DLGAP4: variants seen among roughly 807,000 people sequenced by gnomAD.
The protein encoded by DLGAP4 is disks large-associated protein 4.
A neutral mutation model predicts 86.9 loss-of-function variants in DLGAP4; 18 were observed. The ratio of observed to expected loss-of-function variants is 0.21; its 90% confidence interval spans 0.14 to 0.31. The LOEUF is 0.31. Among genes scored for constraint, DLGAP4 ranks in the 10% least tolerant of loss-of-function variants. DLGAP4 has a pLI of 1.00. For missense variants in DLGAP4, 1,085 were observed against 1,362.6 expected (o/e 0.80, Z 3.21); for synonymous variants, 548 against 574.3 (o/e 0.95, Z 0.65).
At chr20:36,474,685 A>G (rs1364121574) in intron 7 of DLGAP4, among the ~76,000 whole-genome samples, 1 of 151,776 alleles carries the variant, frequency 6.6e-6, no homozygotes, top group Admixed American at 6.6e-5. Flanking sequence ...TAGGGCTGCC[A>G]CCGTTGCTGC....
rs747915494 is a variant in DLGAP4 at position 36,526,894 on chromosome 20, G to A, written c.2842G>A (p.Ala948Thr). Reference protein sequence around the residue: ...PAVSRDKASDASDKQRQEARK... With the variant: ...PAVSRDKASDTSDKQRQEARK... ...AGTGAGCCGCGACAAGGCCTCAGAC[G>A]CCAGCGACAAGCAGCGCCAGGAGGC... Residue 948 changes from alanine (A) to threonine (T), a missense_variant, in exon 13 of 13, where the codon GCC (alanine) becomes ACC (threonine). Physicochemically the swap from Ala to Thr is moderately conservative, Grantham distance 58 (BLOSUM62 0). Coordinates refer to ENST00000339266, the MANE Select transcript of DLGAP4 (RefSeq NM_001365621.2). 10 of 1,612,952 alleles carry A rather than the reference G, an allele frequency of 6.2e-6. No homozygotes were observed. The highest frequency in any genetic ancestry group is 1.7e-4 in the Middle Eastern group (1 of 6,002).
Position 36,393,236 on chromosome 20 carries a change from G to A in DLGAP4, c.-73+25961G>A, listed in dbSNP as rs1192907737. 6.6e-6 allele frequency among the ~76,000 whole-genome samples: 1 copy of A among 152,048 alleles called. No individual in the cohort carries two copies. Among genetic ancestry groups the A allele is most frequent in the Non-Finnish European group, 1.5e-5 (1 of 68,000 alleles). ...AGGGGATGAGGTGCATTGGGGAGGT[G>A]ACTGAATGGGAACACAGACCTAACC... On this transcript the variant is annotated intron_variant, in intron 2 of 12. Transcript: ENST00000339266. This position sits in a 1 kb window ranked among gnomAD's most constrained non-coding sequence, Gnocchi z 4.4.
At chr20:36,356,398 G>A (rs1047594454) in intron 1 of DLGAP4, among the ~76,000 whole-genome samples, 15 of 152,064 alleles carry the variant, frequency 9.9e-5, no homozygotes, top group Non-Finnish European at 1.0e-4. Flanking sequence ...TGCAACCTCC[G>A]CCTCCTGGGT....
intron 3 of DLGAP4, among the ~76,000 whole-genome samples, chr20:36,433,946 A>ATT (rs796868709): frequency 5.2e-4 from 71 of 136,816 alleles, no homozygotes; most frequent in African/African-American, 1.9e-3. Flanking sequence ...GCACCCAGCA[A>ATT]TTTTTTTTTT....
chr20:36,360,753 G>A (rs568130681), intron 1 of DLGAP4, among the ~76,000 whole-genome samples: 16 of 151,998 alleles, frequency 1.1e-4, no homozygotes, highest in African/African-American at 3.9e-4. Context: ...AGCATGGGGG[G>A]CTGGACATGG....
At chr20:36,424,209 C>T (rs1248197526) in intron 2 of DLGAP4, among the ~76,000 whole-genome samples, 1 of 152,196 alleles carries the variant, frequency 6.6e-6, no homozygotes, top group Non-Finnish European at 1.5e-5. Flanking sequence ...AGGTGAACCT[C>T]AATACAGCAC....
intron 2 of DLGAP4, among the ~76,000 whole-genome samples, chr20:36,402,665 T>C (rs1307159696): frequency 6.6e-6 from 1 of 152,184 alleles, no homozygotes; most frequent in Non-Finnish European, 1.5e-5. Flanking sequence ...GGAGGATTTC[T>C]TGAGCCCAGG....
At chr20:36,455,665 C>T (rs1034300576) in intron 7 of DLGAP4, among the ~76,000 whole-genome samples, 3 of 152,106 alleles carry the variant, frequency 2.0e-5, no homozygotes, top group Non-Finnish European at 4.4e-5. Flanking sequence ...TTTGGGGACC[C>T]ACAGGTACCT....
At chr20:36,424,391 A>G (rs536083054) in intron 2 of DLGAP4, among the ~76,000 whole-genome samples, 1 of 152,298 alleles carries the variant, frequency 6.6e-6, no homozygotes, top group East Asian at 1.9e-4. Flanking sequence ...GGAGCAGGTC[A>G]GGGTGGGTGG....
chr20:36,429,224 G>A (rs1304948870), intron 2 of DLGAP4, among the ~76,000 whole-genome samples: 2 of 149,898 alleles, frequency 1.3e-5, no homozygotes, highest in Non-Finnish European at 3.0e-5. Flanking sequence ...GATTATAGGC[G>A]CACGCCATCA....
At chr20:36,503,634 C>A (rs1040901026) in intron 10 of DLGAP4, among the ~76,000 whole-genome samples, 1 of 152,000 alleles carries the variant, frequency 6.6e-6, no homozygotes, top group African/African-American at 2.4e-5. Context: ...ACTACAGGCG[C>A]CTGCCAACCA....
chr20:36,500,238 C>A lies in DLGAP4; in HGVS notation c.2139C>A (p.Asp713Glu). The A allele has an allele frequency of 6.2e-7, 1 of 1,600,968 alleles. No homozygotes were observed. The highest frequency in any genetic ancestry group is 1.7e-5 in the Admixed American group (1 of 57,928). ...VPSHSMSSRR[D>E]TDSDTQDAND... ...CTCACAGTATGTCCTCCCGACGGGA[C>A]ACAGACTCGGATACCCAGGATGCCA... Residue 713 changes from aspartate (D) to glutamate (E), a missense_variant, in exon 10 of 13, where the codon GAC (aspartate) becomes GAA (glutamate). This residue lies in a region of DLGAP4 where 1,082 missense variants were observed against 1,344.1 expected (regional missense o/e 0.81). Coordinates refer to ENST00000339266, the MANE Select transcript of DLGAP4 (RefSeq NM_001365621.2). This position sits in a 1 kb window ranked among gnomAD's most constrained non-coding sequence, Gnocchi z 4.6.
chr20:36,397,611 AC>A (rs2032038540), intron 2 of DLGAP4, among the ~76,000 whole-genome samples: 1 of 152,108 alleles, frequency 6.6e-6, no homozygotes, highest in Non-Finnish European at 1.5e-5. Flanking sequence ...GTCTCTAGAT[AC>A]AACTTTAGCT....
chr20:36,404,727 T>G (rs1267801986), intron 2 of DLGAP4, among the ~76,000 whole-genome samples: 1 of 151,316 alleles, frequency 6.6e-6, no homozygotes, highest in Non-Finnish European at 1.5e-5. Context: ...CCACGGGAGA[T>G]GTTTACAAAT....
At chr20:36,430,089 G>A (rs2033087449) in intron 2 of DLGAP4, among the ~76,000 whole-genome samples, 1 of 152,232 alleles carries the variant, frequency 6.6e-6, no homozygotes, top group Admixed American at 6.5e-5. Context: ...CTCCATGGCA[G>A]ACAGGAAGAT....
chr20:36,486,285 T>C (rs1373188074), intron 7 of DLGAP4, among the ~76,000 whole-genome samples: 1 of 152,134 alleles, frequency 6.6e-6, no homozygotes, highest in Non-Finnish European at 1.5e-5. Context: ...ACATGTGAGC[T>C]AATAAATGAC....
At position 36,528,445 on chromosome 20, in the gene DLGAP4, G is replaced by A. The variant is rs6025503; in HGVS notation, c.*1414G>A. 0.61 allele frequency: 76,243 copies of A among 125,754 alleles called. 22,372 individuals are homozygous for A. The highest frequency in any genetic ancestry group is 0.71 in the Non-Finnish European group (44,006 of 61,676). The allele number at this position is 125,754 out of a possible 1,614,324, so 7.8% of individuals were successfully genotyped here. On this transcript the variant is annotated 3_prime_UTR_variant, in exon 13 of 13. Coordinates refer to ENST00000339266, the MANE Select transcript of DLGAP4 (RefSeq NM_001365621.2). ...TTGGCTGGCGCTTGCTGCAGGGGGG[G>A]ACCCCCCCCCGTCCCCAGGTGAACC...
At chr20:36,522,154 T>C (rs1331304397) in intron 10 of DLGAP4, among the ~76,000 whole-genome samples, 2 of 152,136 alleles carry the variant, frequency 1.3e-5, no homozygotes, top group African/African-American at 2.4e-5. Context: ...GTCCACACTC[T>C]TTCTTTTTTG....
chr20:36,404,878 A>G (rs562423506), intron 2 of DLGAP4, among the ~76,000 whole-genome samples: 1 of 152,328 alleles, frequency 6.6e-6, no homozygotes, highest in Admixed American at 6.5e-5. Flanking sequence ...AGTGCAGATG[A>G]TCTAGCAGCC....
Sources: gnomAD v4.1 joint callset for allele counts (sites outside exome capture counted in the v4.1 genomes callset) on GRCh38, gnomAD v4.1.1 for gene constraint, gnomAD v4.1.1 regional missense constraint, Gnocchi (gnomAD v3.1) non-coding constraint, MANE v1.5 for transcripts, NCBI Gene and HGNC (gene_info 2026-07-23, HGNC 2026-07-21) for gene names.